CDH12: variants seen among roughly 807,000 people sequenced by gnomAD.
CDH12 encodes the protein cadherin-12.
In CDH12, 41 loss-of-function variants were observed where a neutral mutation model predicts 74.1. The ratio of observed to expected loss-of-function variants is 0.55; its 90% CI spans 0.43 to 0.72. CDH12 has a LOEUF of 0.72. Among genes scored for constraint, CDH12 ranks in the 30% least tolerant of loss-of-function variants. The pLI is 0.00. For missense variants in CDH12, 945 were observed against 977.2 expected, an observed-to-expected ratio of 0.97 and a Z score of 0.44; for synonymous variants, 399 against 355.0, an observed-to-expected ratio of 1.12 and a Z score of -1.39.
At chr5:22,092,704 A>C (rs939461880) in intron 4 of CDH12, among the ~76,000 whole-genome samples, 2 of 152,086 alleles carry the variant, frequency 1.3e-5, no homozygotes, top group African/African-American at 4.8e-5. Flanking sequence ...CAAAATGTTA[A>C]AATATAGAGT....
chr5:21,837,264 A>G (rs1749586050), intron 8 of CDH12, among the ~76,000 whole-genome samples: 1 of 152,036 alleles, frequency 6.6e-6, no homozygotes, highest in Admixed American at 6.6e-5. Flanking sequence ...GATATCTCAG[A>G]AACTATATAT....
intron 1 of CDH12, among the ~76,000 whole-genome samples, chr5:22,654,705 G>A (rs763058014): frequency 6.6e-6 from 1 of 150,714 alleles, no homozygotes; most frequent in Non-Finnish European, 1.5e-5. Context: ...TCTCCATCTC[G>A]GCTCACTGCA....
chr5:22,823,456 C>T (rs1330033425), intron 1 of CDH12, among the ~76,000 whole-genome samples: 6 of 151,988 alleles, frequency 3.9e-5, no homozygotes, highest in Non-Finnish European at 7.4e-5. Flanking sequence ...TGTAAGACCT[C>T]ACTTGCTCCT....
At chr5:22,217,747 C>G (rs1486659661) in intron 3 of CDH12, among the ~76,000 whole-genome samples, 1 of 151,358 alleles carries the variant, frequency 6.6e-6, no homozygotes, top group Non-Finnish European at 1.5e-5. Context: ...TTTTAAAATG[C>G]CATTAAACAA....
intron 1 of CDH12, among the ~76,000 whole-genome samples, chr5:22,695,705 G>C (rs954056591): frequency 6.6e-6 from 1 of 151,790 alleles, no homozygotes; most frequent in East Asian, 1.9e-4. Context: ...ACTTTCAATT[G>C]AAATTGCTTG....
chr5:22,197,861 C>T (rs951130666), intron 4 of CDH12, among the ~76,000 whole-genome samples: 1 of 152,110 alleles, frequency 6.6e-6, no homozygotes, highest in Admixed American at 6.5e-5. Flanking sequence ...ATGCTTCTTG[C>T]AGAAAATCCT....
chr5:22,457,335 T>C (rs1212308207), intron 2 of CDH12, among the ~76,000 whole-genome samples: 1 of 152,066 alleles, frequency 6.6e-6, no homozygotes, highest in Non-Finnish European at 1.5e-5. Context: ...TGAAGTTGGT[T>C]GGAGAGAATC....
At chr5:22,150,673 A>C (rs969884581) in intron 4 of CDH12, among the ~76,000 whole-genome samples, 1 of 152,168 alleles carries the variant, frequency 6.6e-6, no homozygotes, top group African/African-American at 2.4e-5. Context: ...GGCCAAAAGA[A>C]ATGGAATCAG....
chr5:21,783,926 A>C (rs1746059320), intron 10 of CDH12, among the ~76,000 whole-genome samples: 1 of 152,212 alleles, frequency 6.6e-6, no homozygotes, highest in South Asian at 2.1e-4. Context: ...TTCCAGAGAT[A>C]GAAAAAATAA....
chr5:22,074,265 G>C (rs1296095538), intron 5 of CDH12, among the ~76,000 whole-genome samples: 1 of 152,122 alleles, frequency 6.6e-6, no homozygotes, highest in Non-Finnish European at 1.5e-5. Context: ...GCCACATGTA[G>C]AAAGCTGAAA....
chr5:22,733,191 C>T (rs1744518600), intron 1 of CDH12, among the ~76,000 whole-genome samples: 1 of 151,810 alleles, frequency 6.6e-6, no homozygotes, highest in Non-Finnish European at 1.5e-5. Context: ...CTGAGTTATT[C>T]ACAGAGCTCT....
chr5:22,841,187 T>C (rs1362344566), intron 1 of CDH12, among the ~76,000 whole-genome samples: 1 of 151,942 alleles, frequency 6.6e-6, no homozygotes, highest in Non-Finnish European at 1.5e-5. Flanking sequence ...ACTACGGGAG[T>C]CATGGTGACA....
At position 22,613,584 on chromosome 5, in the gene CDH12, C is replaced by T. The variant is rs565827146; in HGVS notation, c.-522-108220G>A. ...TTTGAAAATATTCAGTACAGATTTT[C>T]GACTGCCAAAACATCTTTACGTGCT... On this transcript the variant is annotated intron_variant, in intron 1 of 14. Coordinates refer to ENST00000382254, the MANE Select transcript of CDH12 (RefSeq NM_004061.5). Among the ~76,000 whole-genome samples the T allele has an allele frequency of 1.2e-4, 19 of 152,156 alleles. No individual in the cohort carries two copies. The East Asian group carries it at 1.5e-3, about 12-fold the overall frequency.
At chr5:21,872,894 C>CATCTATCTATCTATCTATCTATCT (rs59704352) in intron 6 of CDH12, among the ~76,000 whole-genome samples, 32,291 of 146,608 alleles carry the variant, frequency 0.22, 3,934 homozygotes, top group East Asian at 0.28. Context: ...ACCTATCATC[C>CATCTATCTATCTATCTATCTATCT]ATCTATCTAT....
intron 4 of CDH12, among the ~76,000 whole-genome samples, chr5:22,080,588 A>T (rs183758637): frequency 1.3e-5 from 2 of 152,286 alleles, no homozygotes; most frequent in Admixed American, 1.3e-4. Context: ...ACCTCTAGTC[A>T]CATGTGCCTT....
intron 1 of CDH12, among the ~76,000 whole-genome samples, chr5:22,532,437 G>A (rs374177599): frequency 3.6e-4 from 50 of 137,820 alleles, no homozygotes; most frequent in East Asian, 3.2e-3. Flanking sequence ...AGAAAAATTC[G>A]GCAATATTTG....
At chr5:22,749,568 T>A (rs150262282) in intron 1 of CDH12, among the ~76,000 whole-genome samples, 2 of 152,098 alleles carry the variant, frequency 1.3e-5, no homozygotes, top group Non-Finnish European at 2.9e-5. Flanking sequence ...TTTCTAAAAG[T>A]AAAATCAAAT....
chr5:21,788,302 G>A (rs1376921352), intron 10 of CDH12, among the ~76,000 whole-genome samples: 1 of 152,174 alleles, frequency 6.6e-6, no homozygotes, highest in East Asian at 1.9e-4. Flanking sequence ...AATCATCCAA[G>A]AGGAGGTTGA....
In CDH12 at chr5:22,609,503, G is replaced by T. The variant is rs898069152; in HGVS notation, c.-522-104139C>A. ...TTATATCTCCAATTCTTAGCTCAGT[G>T]CTCAGAATATAAATGTTCACAAATT... On this transcript the variant is annotated intron_variant, in intron 1 of 14. Coordinates refer to ENST00000382254, the MANE Select transcript of CDH12 (RefSeq NM_004061.5). 3.9e-5 allele frequency among the ~76,000 whole-genome samples: 6 copies of T among 152,084 alleles called. No individual in the cohort carries two copies. In the East Asian group the frequency reaches 1.2e-3, roughly 29 times the overall value.
Sources: gnomAD v4.1 joint callset for allele counts (sites outside exome capture counted in the v4.1 genomes callset) on GRCh38, gnomAD v4.1.1 for gene constraint, MANE v1.5 for transcripts, NCBI Gene and HGNC (gene_info 2026-07-23, HGNC 2026-07-21) for gene names.